CCDC146: variants seen among roughly 807,000 people sequenced by gnomAD.
CCDC146 encodes coiled-coil domain-containing protein 146.
In CCDC146, 92 loss-of-function variants were observed where a neutral mutation model predicts 119.3. That is an observed-to-expected ratio of 0.77 (90% CI 0.65 to 0.92). The LOEUF (loss-of-function observed/expected upper bound fraction) is 0.92. Among genes scored for constraint, CCDC146 ranks in the 40% least tolerant of loss-of-function variants. The probability of loss-of-function intolerance (pLI) is 0.00; values close to 1 mark genes in which losing one functional copy is unlikely to be tolerated. For synonymous variants in CCDC146, 372 were observed against 371.8 expected, an observed-to-expected ratio of 1.00 and a Z score of -0.01; for missense variants, 1,000 against 1,103.0, an observed-to-expected ratio of 0.91 and a Z score of 1.32.
intron 2 of CCDC146, chr7:77,198,991 T>C: frequency 1.7e-6 from 1 of 599,776 alleles, no homozygotes; most frequent in South Asian, 2.2e-5. Flanking sequence ...GAACTAACTA[T>C]GATTTTTGTA....
At chr7:77,142,244 G>T (rs1466489871) in intron 1 of CCDC146, among the ~76,000 whole-genome samples, 1 of 152,064 alleles carries the variant, frequency 6.6e-6, no homozygotes, top group Non-Finnish European at 1.5e-5. Context: ...AAGAAAGAAA[G>T]GGTATTCAAA....
At chr7:77,225,086 AGATAAT>A (rs1425245914) in intron 2 of CCDC146, among the ~76,000 whole-genome samples, 2 of 152,268 alleles carry the variant, frequency 1.3e-5, no homozygotes, top group African/African-American at 4.8e-5. Context: ...TATAGGTTGA[AGATAAT>A]GATAATGATT....
rs1285015781 is a variant in CCDC146, at chr7:77,241,202, C to T, written c.240-489C>T. Among the ~76,000 whole-genome samples the T allele has an allele frequency of 3.4e-5, 5 of 145,188 alleles. 1 individual carries two copies. Among genetic ancestry groups the T allele is most frequent in the African/African-American group, 4.9e-5 (2 of 40,560 alleles). On this transcript the variant is annotated intron_variant, in intron 3 of 18. Coordinates refer to ENST00000285871, the MANE Select transcript of CCDC146 (RefSeq NM_020879.3). ...CCTCCCGAGTAGCTGGGACTACAGG[C>T]GCCCGCCACCATGCCCAGCTAATTT...
intron 2 of CCDC146, among the ~76,000 whole-genome samples, chr7:77,221,019 C>G (rs968659197): frequency 3.0e-4 from 46 of 152,170 alleles, no homozygotes; most frequent in African/African-American, 9.7e-4. Flanking sequence ...GAAGGCAAAG[C>G]AGGAGCAGGC....
intron 2 of CCDC146, among the ~76,000 whole-genome samples, chr7:77,223,471 C>A (rs533327212): frequency 8.3e-5 from 12 of 145,016 alleles, no homozygotes; most frequent in Non-Finnish European, 1.5e-4. Context: ...GAACAAACAG[C>A]TGTGAGAGAA....
In CCDC146 at chr7:77,256,500, C is replaced by A; in HGVS notation, c.675C>A (p.Val225=). The change falls in exon 6 of 19, where the codon GTC becomes GTA. Residue 225 remains valine (V), a synonymous_variant. Transcript: ENST00000285871. ...KELEELLGHQ[V]VLKDEVAHHQ... ...TAGAAGAATTGTTGGGACATCAGGT[C>A]GTCCTAAAGGTGTGCTACTTACCGT... 6.2e-7 allele frequency: 1 copy of A among 1,605,308 alleles called. No individual in the cohort carries two copies. The highest frequency in any genetic ancestry group is 1.1e-5 in the South Asian group (1 of 88,622).
chr7:77,232,410 G>A lies in CCDC146; in HGVS notation c.157-4537G>A, dbSNP rs188206866. ...AGTGTGAATTTTTTTACTGTCCCTC[G>A]TCCCAATTTCTCTGTTAAACTTCTG... On this transcript the variant is annotated intron_variant, in intron 2 of 18. Transcript: ENST00000285871. Among the ~76,000 whole-genome samples, 196 of 152,240 alleles carry A rather than the reference G, an allele frequency of 1.3e-3. 1 individual carries two copies. The Middle Eastern group carries it at 0.037, about 29-fold the overall frequency.
intron 1 of CCDC146, among the ~76,000 whole-genome samples, chr7:77,129,038 T>C (rs1207142877): frequency 1.3e-5 from 2 of 152,112 alleles, no homozygotes; most frequent in Admixed American, 6.5e-5. Context: ...TGCACAAACA[T>C]GGAGTACAGT....
chr7:77,163,412 C>T (rs1419744560), intron 1 of CCDC146, among the ~76,000 whole-genome samples: 2 of 151,956 alleles, frequency 1.3e-5, no homozygotes, highest in African/African-American at 4.8e-5. Flanking sequence ...TGCACCACTG[C>T]ACTCCAGCCT....
chr7:77,253,485 A>G (rs573990418), intron 4 of CCDC146, among the ~76,000 whole-genome samples: 12 of 152,324 alleles, frequency 7.9e-5, no homozygotes, highest in African/African-American at 2.6e-4. Context: ...GTGACGATCT[A>G]TTTCCATATG....
At chr7:77,179,099 C>T (rs1193628653) in intron 2 of CCDC146, among the ~76,000 whole-genome samples, 2 of 151,776 alleles carry the variant, frequency 1.3e-5, no homozygotes. Flanking sequence ...GAAAAGTTAG[C>T]TAAGACAAGA....
chr7:77,266,468 G>A (rs903607091), intron 9 of CCDC146, among the ~76,000 whole-genome samples: 4 of 152,052 alleles, frequency 2.6e-5, no homozygotes, highest in African/African-American at 9.7e-5. Flanking sequence ...CTTTGAATTG[G>A]GATTATTGCA....
At chr7:77,181,566 C>G (rs1791589908) in intron 2 of CCDC146, among the ~76,000 whole-genome samples, 1 of 152,190 alleles carries the variant, frequency 6.6e-6, no homozygotes, top group Non-Finnish European at 1.5e-5. Context: ...GGTCTTAGTA[C>G]AAAGACCCAC....
At chr7:77,212,218 A>G (rs1562834701) in intron 2 of CCDC146, among the ~76,000 whole-genome samples, 1 of 152,236 alleles carries the variant, frequency 6.6e-6, no homozygotes, top group African/African-American at 2.4e-5. Flanking sequence ...ATATACAAAT[A>G]CATAGGTTTC....
At chr7:77,220,036 A>G (rs1348258534) in intron 2 of CCDC146, among the ~76,000 whole-genome samples, 2 of 152,180 alleles carry the variant, frequency 1.3e-5, no homozygotes, top group African/African-American at 2.4e-5. Flanking sequence ...AGGGTTCAAG[A>G]GCAGACAACT....
intron 4 of CCDC146, among the ~76,000 whole-genome samples, chr7:77,251,602 G>C (rs1793061463): frequency 6.6e-6 from 1 of 152,112 alleles, no homozygotes; most frequent in Admixed American, 6.5e-5. Context: ...GGAACATGGT[G>C]GTAAGGTGTG....
chr7:77,158,185 C>A (rs1331085557), intron 1 of CCDC146, among the ~76,000 whole-genome samples: 1 of 152,076 alleles, frequency 6.6e-6, no homozygotes, highest in Non-Finnish European at 1.5e-5. Context: ...AGAACTAGTT[C>A]TTTCCCTGCC....
chr7:77,167,170 G>A (rs1421627377), intron 1 of CCDC146, among the ~76,000 whole-genome samples: 1 of 152,126 alleles, frequency 6.6e-6, no homozygotes, highest in African/African-American at 2.4e-5. Context: ...TCTGTTCTAA[G>A]AAGTCCAATA....
intron 16 of CCDC146, chr7:77,287,207 T>C: frequency 1.7e-6 from 1 of 594,960 alleles, no homozygotes; most frequent in Non-Finnish European, 3.0e-6. Context: ...GTCTTCCTGA[T>C]GGGAGCACAT....
Sources: allele counts gnomAD v4.1 joint callset (sites outside exome capture counted in the v4.1 genomes callset), GRCh38; gene constraint gnomAD v4.1.1; transcripts MANE v1.5; gene names NCBI Gene and HGNC (gene_info 2026-07-23, HGNC 2026-07-21).